CXXC4: variants seen among roughly 807,000 people sequenced by gnomAD.
The protein encoded by CXXC4 is CXXC finger protein 4.
CXXC4 carries 5 observed loss-of-function variants against 20.5 expected under a neutral mutation model. The ratio of observed to expected loss-of-function variants is 0.24; its 90% CI spans 0.13 to 0.51. The LOEUF is 0.51. Among genes scored for constraint, CXXC4 ranks in the 20% least tolerant of loss-of-function variants. The pLI is 0.97. For synonymous variants in CXXC4, 250 were observed against 216.4 expected (o/e 1.16, Z -1.36); for missense variants, 419 against 496.4 (o/e 0.84, Z 1.48).
chr4:104,478,434 G>T (rs1343813077), intron 2 of CXXC4, among the ~76,000 whole-genome samples: 1 of 152,056 alleles, frequency 6.6e-6, no homozygotes, highest in African/African-American at 2.4e-5. Context: ...TTGGTGGGAG[G>T]TAAAATGACA....
In CXXC4 at chr4:104,491,195, G is replaced by A; in HGVS notation, c.608C>T (p.Pro203Leu). 2.5e-6 allele frequency: 4 copies of A among 1,613,856 alleles called. No individual in the cohort carries two copies. The highest frequency in any genetic ancestry group is 3.4e-6 in the Non-Finnish European group (4 of 1,180,000). Residue 203 changes from proline (P) to leucine (L), a missense_variant, in exon 2 of 3, where the codon CCT becomes CTT. By Grantham distance (98) the Pro-to-Leu change is moderately conservative. Transcript: ENST00000394767. ...CCCCGCCAAAGGTCTGCAGTGTTCA[G>A]GGGATAAGGTGGAGAGGAAATTAGT... is the stretch of plus-strand genomic sequence containing the variant. Reference protein sequence around the residue: ...ANTNFLSTLSPEHCRPLAGEC... With the variant: ...ANTNFLSTLSLEHCRPLAGEC...
chr4:104,475,418 T>C (rs1035241156), intron 2 of CXXC4, among the ~76,000 whole-genome samples: 4 of 152,130 alleles, frequency 2.6e-5, no homozygotes, highest in African/African-American at 7.2e-5. Flanking sequence ...CTACCCAAAA[T>C]AGATGTATAT....
intron 2 of CXXC4, among the ~76,000 whole-genome samples, chr4:104,487,814 G>A (rs1354104679): frequency 6.6e-6 from 1 of 152,092 alleles, no homozygotes; most frequent in Non-Finnish European, 1.5e-5. Flanking sequence ...ATCAAGGGGT[G>A]ATTTTATAAA....
chr4:104,487,869 C>CA (rs1736736540), intron 2 of CXXC4, among the ~76,000 whole-genome samples: 1 of 151,924 alleles, frequency 6.6e-6, no homozygotes, highest in Non-Finnish European at 1.5e-5. Flanking sequence ...TGAGACTAAG[C>CA]AGAAAAATAG....
At position 104,470,150 on chromosome 4, in the gene CXXC4, AT is replaced by A. The variant is rs572086584; in HGVS notation, c.*2171del. The A allele has an allele frequency of 1.2e-4, 17 of 141,990 alleles. No homozygotes were observed. The South Asian group carries it at 4.0e-3, about 33-fold the overall frequency. The allele number at this position is 141,990 out of a possible 1,614,324, so 8.8% of individuals were successfully genotyped here. ...CAAATTGGTAAACAAAAAACAAAAAATAAAATAATGGAAAAGGAAAAAAAAA... is the reference window on the plus strand; with the variant it reads ...CAAATTGGTAAACAAAAAACAAAAAAAAAATAATGGAAAAGGAAAAAAAAA... On this transcript the variant is annotated 3_prime_UTR_variant, in exon 3 of 3. Transcript: ENST00000394767.
At chr4:104,472,595 G>A (rs1036340727) in intron 2 of CXXC4, among the ~76,000 whole-genome samples, 2 of 151,752 alleles carry the variant, frequency 1.3e-5, no homozygotes, top group Non-Finnish European at 2.9e-5. Context: ...AAAACACATT[G>A]GTTTAAAAAT....
At chr4:104,488,081 T>C (rs1271923429) in intron 2 of CXXC4, among the ~76,000 whole-genome samples, 1 of 152,180 alleles carries the variant, frequency 6.6e-6, no homozygotes, top group East Asian at 1.9e-4. Context: ...AGAATATATG[T>C]TATTATTATG....
At chr4:104,493,073 T>C (rs1169248169) in intron 1 of CXXC4, among the ~76,000 whole-genome samples, 1 of 152,042 alleles carries the variant, frequency 6.6e-6, no homozygotes, top group Non-Finnish European at 1.5e-5. Flanking sequence ...AACGTGTTCT[T>C]TGCCAGAGAA....
Position 104,491,697 on chromosome 4 carries a change from T to G in CXXC4, c.106A>C (p.Asn36His). 6.5e-7 allele frequency: 1 copy of G among 1,545,666 alleles called. No homozygotes were observed. The highest frequency in any genetic ancestry group is 8.7e-7 in the Non-Finnish European group (1 of 1,144,826). ...GAGCGGTAGCGCTCCATTTCCGAGT[T>G]GTAATCCACAAGGCTGTTCAGAGCC... ...EGALNSLVDY[N>H]SEMERYRSFA... The change falls in exon 2 of 3, where the codon AAC (asparagine) becomes CAC (histidine). Residue 36 changes from asparagine (N) to histidine (H), a missense_variant. Physicochemically the swap from Asn to His is moderately conservative, Grantham distance 68. Transcript: ENST00000394767.
chr4:104,492,348 G>C (rs1471278602), intron 1 of CXXC4, among the ~76,000 whole-genome samples: 1 of 151,782 alleles, frequency 6.6e-6, no homozygotes, highest in East Asian at 1.9e-4. Context: ...GAAGACGGGG[G>C]TGACAAACGC....
chr4:104,491,707 A>T lies in CXXC4; in HGVS notation c.96T>A (p.Leu32=). 1.9e-6 allele frequency: 3 copies of T among 1,545,446 alleles called. No individual in the cohort carries two copies. The South Asian group carries it at 3.6e-5, about 19-fold the overall frequency. The change falls in exon 2 of 3, where the codon CTT becomes CTA. Residue 32 remains leucine, a synonymous_variant. Coordinates refer to ENST00000394767, the MANE Select transcript of CXXC4 (RefSeq NM_025212.4). The part of the protein sequence containing the change: ...SHLPEGALNS[L]VDYNSEMERY... ...GCTCCATTTCCGAGTTGTAATCCAC[A>T]AGGCTGTTCAGAGCCCCCTCGGGCA...
chr4:104,476,544 T>C (rs2110271332), intron 2 of CXXC4, among the ~76,000 whole-genome samples: 1 of 152,296 alleles, frequency 6.6e-6, no homozygotes, highest in South Asian at 2.1e-4. Context: ...CTTTTAATAA[T>C]ATTAGACCTG....
intron 1 of CXXC4, among the ~76,000 whole-genome samples, chr4:104,492,997 G>C (rs911715464): frequency 6.7e-6 from 1 of 149,410 alleles, no homozygotes; most frequent in African/African-American, 2.5e-5. Context: ...GGAAAGCATG[G>C]GACTTTTTGA....
intron 1 of CXXC4, 86 bp from the exon 2 acceptor site, chr4:104,492,145 C>A (rs1578324739): frequency 5.8e-6 from 1 of 171,204 alleles, no homozygotes; most frequent in Admixed American, 6.3e-5. Flanking sequence ...ACCGCAGACA[C>A]CGAAAGCTCC....
At chr4:104,493,449 T>G (rs1045974709) in intron 1 of CXXC4, among the ~76,000 whole-genome samples, 4 of 152,138 alleles carry the variant, frequency 2.6e-5, no homozygotes, top group African/African-American at 9.7e-5. Flanking sequence ...ATTATAGTAA[T>G]TATGCTTATA....
chr4:104,489,161 G>A (rs1402446317), intron 2 of CXXC4, among the ~76,000 whole-genome samples: 1 of 152,050 alleles, frequency 6.6e-6, no homozygotes, highest in Non-Finnish European at 1.5e-5. Context: ...AGTTGCCAAA[G>A]AAAATGTAAT....
chr4:104,473,450 G>A (rs1736326911), intron 2 of CXXC4, among the ~76,000 whole-genome samples: 1 of 151,794 alleles, frequency 6.6e-6, no homozygotes, highest in African/African-American at 2.4e-5. Context: ...TAGGTAAATG[G>A]TAGTTAAGCT....
intron 2 of CXXC4, among the ~76,000 whole-genome samples, chr4:104,475,652 G>C (rs572210366): frequency 6.6e-6 from 1 of 151,990 alleles, no homozygotes; most frequent in Non-Finnish European, 1.5e-5. Context: ...TAAATGGTGC[G>C]GGGGCTCAGC....
At chr4:104,485,663 A>G (rs896288064) in intron 2 of CXXC4, among the ~76,000 whole-genome samples, 1 of 152,126 alleles carries the variant, frequency 6.6e-6, no homozygotes, top group Non-Finnish European at 1.5e-5. Flanking sequence ...GATAGTTTGT[A>G]TTCAGAATAT....
Sources: allele counts gnomAD v4.1 joint callset (sites outside exome capture counted in the v4.1 genomes callset), GRCh38; gene constraint gnomAD v4.1.1; transcripts MANE v1.5; gene names NCBI Gene and HGNC (gene_info 2026-07-23, HGNC 2026-07-21).